The following MELK variants were observed in gnomAD, a reference collection of about 807,000 sequenced individuals.
MELK encodes maternal embryonic leucine zipper kinase, also known as pEg3 kinase.
Under a neutral mutation model 85.0 loss-of-function variants are expected in MELK, and 81 were observed. The observed-to-expected ratio is 0.95, with a 90% CI of 0.80 to 1.15. The LOEUF is 1.15. Among genes scored for constraint, MELK ranks in the 50% most tolerant of loss-of-function variants. The pLI is 0.00. For missense variants in MELK, 754 were observed against 777.5 expected (o/e 0.97, Z 0.36); for synonymous variants, 252 against 265.0 (o/e 0.95, Z 0.48).
intron 1 of MELK, among the ~76,000 whole-genome samples, chr9:36,574,946 C>A (rs1821492886): frequency 6.6e-6 from 1 of 151,994 alleles, no homozygotes; most frequent in South Asian, 2.1e-4. Context: ...ACCAGCCTGG[C>A]CAAGATGGTG....
intron 1 of MELK, among the ~76,000 whole-genome samples, chr9:36,580,949 C>T (rs1205756345): frequency 2.6e-5 from 4 of 151,668 alleles, no homozygotes; most frequent in South Asian, 2.1e-4. Flanking sequence ...AGGCTGGTCT[C>T]GAACTCATGA....
In MELK at chr9:36,657,368, G is replaced by A. The variant is rs372747010; in HGVS notation, c.1176+5G>A. The A allele has an allele frequency of 7.6e-5, 122 of 1,599,648 alleles. No individual in the cohort carries two copies. Among genetic ancestry groups the A allele is most frequent in the Admixed American group, 8.9e-5 (5 of 56,016 alleles). On this transcript the variant is annotated splice_donor_5th_base_variant and intron_variant, in intron 13 of 17. Coordinates refer to ENST00000298048, the MANE Select transcript of MELK (RefSeq NM_014791.4). ...GCTACTCCCCGAACATCACAGGTTC[G>A]TCATTCTTATTACTATTTAAGGCAG...
intron 2 of MELK, among the ~76,000 whole-genome samples, chr9:36,582,184 G>C (rs936979563): frequency 6.6e-6 from 1 of 152,000 alleles, no homozygotes; most frequent in Non-Finnish European, 1.5e-5. Context: ...TAATCAGGAT[G>C]GTCTCGATCT....
Position 36,657,381 on chromosome 9 carries a change from C to G in MELK, c.1176+18C>G, listed in dbSNP as rs902165402. 2.5e-6 allele frequency: 4 copies of G among 1,583,272 alleles called. No homozygotes were observed. In the African/African-American group the frequency reaches 5.4e-5, roughly 22 times the overall value. Reference sequence around the variant, plus strand: ...CATCACAGGTTCGTCATTCTTATTACTATTTAAGGCAGAATCTATTGTTTC... The same window carrying G: ...CATCACAGGTTCGTCATTCTTATTAGTATTTAAGGCAGAATCTATTGTTTC... On this transcript the variant is annotated intron_variant, in intron 13 of 17. Transcript: ENST00000298048.
Position 36,597,203 on chromosome 9 carries a change from A to T in MELK, c.406-19A>T, listed in dbSNP as rs1564139897. The T allele has an allele frequency of 6.3e-7, 1 of 1,599,250 alleles. No individual in the cohort carries two copies. The highest frequency in any genetic ancestry group is 1.7e-5 in the Admixed American group (1 of 59,946). On this transcript the variant is annotated intron_variant, in intron 5 of 17. Coordinates refer to ENST00000298048, the MANE Select transcript of MELK (RefSeq NM_014791.4). ...AAGGAAGTCAGTATACAGTTATCAA[A>T]ATATCTTTGTTTTCCCAGGAAAATT...
chr9:36,674,829 C>T lies in MELK; in HGVS notation c.1675-5C>T, dbSNP rs1241572589. 1 of 1,522,398 alleles carries T rather than the reference C, an allele frequency of 6.6e-7. No homozygotes were observed. The highest frequency in any genetic ancestry group is 9.1e-7 in the Non-Finnish European group (1 of 1,103,634). 94.3% of individuals were successfully genotyped at this position (1,522,398 alleles called of 1,614,324 possible). On this transcript the variant is annotated splice_region_variant and splice_polypyrimidine_tract_variant and intron_variant, in intron 16 of 17. Transcript: ENST00000298048. ...ACTTCTCATCTCTTCTTTTTCTTTT[C>T]TTAGCTTCACTATAACGTGACTACA...
intron 4 of MELK, among the ~76,000 whole-genome samples, chr9:36,590,758 T>C (rs1823453538): frequency 6.6e-6 from 1 of 152,198 alleles, no homozygotes; most frequent in African/African-American, 2.4e-5. Context: ...TTTCACAGGA[T>C]AGCACTGTTT....
Position 36,583,751 on chromosome 9 carries a change from A to T in MELK, c.144+39A>T, listed in dbSNP as rs1250965331. Reference sequence around the variant, plus strand: ...TATTTAAAAAATAGTCCACTTATAGATCAGTTTCGTGAATTAAAACCTGAA... The same window carrying T: ...TATTTAAAAAATAGTCCACTTATAGTTCAGTTTCGTGAATTAAAACCTGAA... On this transcript the variant is annotated intron_variant, in intron 3 of 17. Transcript: ENST00000298048. 3.5e-6 allele frequency: 5 copies of T among 1,426,432 alleles called. No individual in the cohort carries two copies. The African/African-American group carries it at 4.3e-5, about 12-fold the overall frequency. 88.4% of individuals were successfully genotyped at this position (1,426,432 alleles called of 1,614,324 possible).
chr9:36,677,327 G>T lies in MELK; in HGVS notation c.1946G>T (p.Cys649Phe). 1 of 1,612,194 alleles carries T rather than the reference G, an allele frequency of 6.2e-7. No homozygotes were observed. The highest frequency in any genetic ancestry group is 8.5e-7 in the Non-Finnish European group (1 of 1,178,980). Residue 649 changes from cysteine (C) to phenylalanine (F), a missense_variant, in exon 18 of 18, where the codon TGC (cysteine) becomes TTC (phenylalanine). Physicochemically the swap from Cys to Phe is radical, Grantham distance 205. Coordinates refer to ENST00000298048, the MANE Select transcript of MELK (RefSeq NM_014791.4). ...TTAGTGGAAGACATCCTATCTAGCT[G>T]CAAGGTATAATTGATGGATTCTTCC... ...KRLVEDILSS[C>F]KV is the part of the protein sequence containing the mutation.
chr9:36,582,489 AAGC>A (rs1246783328), intron 2 of MELK, among the ~76,000 whole-genome samples: 1 of 150,856 alleles, frequency 6.6e-6, no homozygotes, highest in Non-Finnish European at 1.5e-5. Context: ...GGTGATGTAA[AAGC>A]AGTGAAAGGG....
intron 8 of MELK, among the ~76,000 whole-genome samples, chr9:36,614,259 C>G (rs1008839916): frequency 6.6e-6 from 1 of 151,954 alleles, no homozygotes; most frequent in African/African-American, 2.4e-5. Context: ...CCATGCGTGG[C>G]TAAGTTTTGT....
intron 7 of MELK, among the ~76,000 whole-genome samples, chr9:36,606,637 A>G (rs1056020749): frequency 6.8e-6 from 1 of 147,092 alleles, no homozygotes; most frequent in East Asian, 1.9e-4. Context: ...ATGGACATAT[A>G]TGTATATATG....
At chr9:36,600,065 C>T (rs922632990) in intron 7 of MELK, among the ~76,000 whole-genome samples, 1 of 151,662 alleles carries the variant, frequency 6.6e-6, no homozygotes, top group Admixed American at 6.6e-5. Context: ...TTTCCTATTT[C>T]AGGACATGTC....
chr9:36,676,747 A>G (rs1434410810), intron 17 of MELK, among the ~76,000 whole-genome samples: 1 of 152,196 alleles, frequency 6.6e-6, no homozygotes, highest in Non-Finnish European at 1.5e-5. Flanking sequence ...AGTTTCTGAC[A>G]AGGCTCACAC....
chr9:36,596,586 T>G lies in MELK; in HGVS notation c.406-636T>G, dbSNP rs1564138907. 4.3e-3 allele frequency among the ~76,000 whole-genome samples: 468 copies of G among 109,350 alleles called. 14 individuals are homozygous for G. The highest frequency in any genetic ancestry group is 0.024 in the African/African-American group (446 of 18,582). The allele number at this position is 109,350 out of a possible 152,430, so 71.7% of individuals were successfully genotyped here. ...TTGTTTTTTTTGTTTTTTTTGTTTT[T>G]TTTGTTTTTTTTTTTTTGAGATGGA... On this transcript the variant is annotated intron_variant, in intron 5 of 17. Coordinates refer to ENST00000298048, the MANE Select transcript of MELK (RefSeq NM_014791.4).
intron 8 of MELK, among the ~76,000 whole-genome samples, chr9:36,624,266 T>G (rs1401623802): frequency 6.6e-6 from 1 of 152,116 alleles, no homozygotes; most frequent in African/African-American, 2.4e-5. Flanking sequence ...GTTGTTATAC[T>G]TCTTTTTTTA....
intron 8 of MELK, among the ~76,000 whole-genome samples, chr9:36,622,921 T>G (rs1827579626): frequency 6.6e-6 from 1 of 152,228 alleles, no homozygotes; most frequent in South Asian, 2.1e-4. Flanking sequence ...GTTATCTGTT[T>G]CTTGCTCTCC....
At chr9:36,611,040 G>A (rs1564157907) in intron 8 of MELK, among the ~76,000 whole-genome samples, 2 of 152,120 alleles carry the variant, frequency 1.3e-5, no homozygotes, top group African/African-American at 4.8e-5. Context: ...TCAGGTTTTG[G>A]ATTTTCGGAT....
chr9:36,636,550 G>A (rs1829159333), intron 10 of MELK, among the ~76,000 whole-genome samples: 1 of 152,030 alleles, frequency 6.6e-6, no homozygotes, highest in South Asian at 2.1e-4. Flanking sequence ...ACAGTTCTGT[G>A]GACCAGATAT....
Sources: gnomAD v4.1 joint callset for allele counts (sites outside exome capture counted in the v4.1 genomes callset) on GRCh38, gnomAD v4.1.1 for gene constraint, MANE v1.5 for transcripts, NCBI Gene and HGNC (gene_info 2026-07-23, HGNC 2026-07-21) for gene names.